SGCZ: variants seen among roughly 807,000 people sequenced by gnomAD.
SGCZ encodes sarcoglycan zeta, also known as zeta-sarcoglycan.
A neutral mutation model predicts 41.3 loss-of-function variants in SGCZ; 40 were observed. That is an observed-to-expected ratio of 0.97 (90% CI 0.75 to 1.26). The LOEUF is 1.26. Ranked by LOEUF, SGCZ falls within the 50% of genes most tolerant of loss-of-function variation. SGCZ has a pLI of 0.00. For missense variants in SGCZ, 552 were observed against 369.8 expected, an observed-to-expected ratio of 1.49 and a Z score of -4.04; for synonymous variants, 206 against 137.5, an observed-to-expected ratio of 1.50 and a Z score of -3.49.
chr8:14,532,034 G>C (rs937674520), intron 2 of SGCZ, among the ~76,000 whole-genome samples: 37 of 151,994 alleles, frequency 2.4e-4, no homozygotes, highest in Admixed American at 3.3e-4. Flanking sequence ...TTTCAAAATA[G>C]AAAATCATTT....
chr8:15,125,008 C>T (rs1208986070), intron 1 of SGCZ, among the ~76,000 whole-genome samples: 1 of 151,792 alleles, frequency 6.6e-6, no homozygotes, highest in African/African-American at 2.4e-5. Context: ...TATATAGTAA[C>T]CTTTTATGCA....
chr8:14,823,638 C>A (rs1239174654), intron 1 of SGCZ, among the ~76,000 whole-genome samples: 2 of 152,126 alleles, frequency 1.3e-5, no homozygotes, highest in Non-Finnish European at 2.9e-5. Flanking sequence ...GGACTGTAAA[C>A]TAGTACATGC....
intron 1 of SGCZ, among the ~76,000 whole-genome samples, chr8:14,884,673 T>A (rs1804724620): frequency 1.3e-5 from 2 of 152,140 alleles, no homozygotes; most frequent in African/African-American, 4.8e-5. Context: ...CAAGAGGGCA[T>A]TCACTTATTT....
chr8:14,778,911 G>T lies in SGCZ; in HGVS notation c.40-223985C>A, dbSNP rs530584631. On this transcript the variant is annotated intron_variant, in intron 1 of 7. Transcript: ENST00000382080. ...ATCGCCATTCGTGAAAACACATTAG[G>T]AATATCTTATAACATTAAATAGTCT... Among the ~76,000 whole-genome samples, 3 of 152,224 alleles carry T rather than the reference G, an allele frequency of 2.0e-5. No homozygotes were observed. The East Asian group carries it at 5.8e-4, about 29-fold the overall frequency.
intron 1 of SGCZ, among the ~76,000 whole-genome samples, chr8:15,055,257 T>C (rs1323747063): frequency 6.6e-6 from 1 of 152,202 alleles, no homozygotes; most frequent in Non-Finnish European, 1.5e-5. Flanking sequence ...TAATACTGTA[T>C]ACCTACCATA....
intron 4 of SGCZ, among the ~76,000 whole-genome samples, chr8:14,182,255 T>G (rs139160782): frequency 6.6e-6 from 1 of 152,284 alleles, no homozygotes; most frequent in African/African-American, 2.4e-5. Flanking sequence ...GTCCACTGAT[T>G]GAACCCTGAA....
At chr8:14,225,663 G>A (rs892590222) in intron 4 of SGCZ, among the ~76,000 whole-genome samples, 3 of 152,054 alleles carry the variant, frequency 2.0e-5, no homozygotes, top group Non-Finnish European at 2.9e-5. Flanking sequence ...TATAATAAAA[G>A]CTCATTGTAT....
At chr8:14,581,924 G>C (rs1401114648) in intron 1 of SGCZ, among the ~76,000 whole-genome samples, 1 of 152,082 alleles carries the variant, frequency 6.6e-6, no homozygotes, top group Non-Finnish European at 1.5e-5. Flanking sequence ...TTCACTAAAA[G>C]TTAGAGTGAG....
chr8:14,586,278 A>G (rs1805054357), intron 1 of SGCZ, among the ~76,000 whole-genome samples: 1 of 151,950 alleles, frequency 6.6e-6, no homozygotes, highest in South Asian at 2.1e-4. Flanking sequence ...TAGTGGCCCG[A>G]TCTCTGTTGA....
chr8:14,430,942 C>A (rs549299442), intron 2 of SGCZ, among the ~76,000 whole-genome samples: 17 of 152,148 alleles, frequency 1.1e-4, no homozygotes, highest in Admixed American at 1.1e-3. Flanking sequence ...AACCCCTTTA[C>A]AACAGCTGCA....
At chr8:14,429,402 C>T (rs1044836181) in intron 2 of SGCZ, among the ~76,000 whole-genome samples, 20 of 152,142 alleles carry the variant, frequency 1.3e-4, no homozygotes, top group South Asian at 1.0e-3. Flanking sequence ...TCACAAACGT[C>T]AACACTTACA....
chr8:15,096,678 T>TTTTTA (rs953950162), intron 1 of SGCZ, among the ~76,000 whole-genome samples: 11 of 152,214 alleles, frequency 7.2e-5, no homozygotes, highest in South Asian at 2.1e-4. Context: ...TTATGTTACC[T>TTTTTA]TTTTATTTTA....
intron 3 of SGCZ, among the ~76,000 whole-genome samples, chr8:14,290,783 G>A (rs1008530601): frequency 3.9e-5 from 6 of 152,016 alleles, no homozygotes; most frequent in African/African-American, 9.7e-5. Flanking sequence ...CAGTATGGAG[G>A]TTCCCTCATA....
chr8:14,116,341 T>C (rs956521569), intron 5 of SGCZ, among the ~76,000 whole-genome samples: 4 of 152,110 alleles, frequency 2.6e-5, no homozygotes, highest in Non-Finnish European at 4.4e-5. Context: ...TTATTTAGAA[T>C]TTCCTTCTTA....
intron 1 of SGCZ, among the ~76,000 whole-genome samples, chr8:14,792,873 G>T (rs1164163818): frequency 1.3e-5 from 2 of 152,032 alleles, no homozygotes; most frequent in East Asian, 3.9e-4. Flanking sequence ...CTCTTCGATA[G>T]ACTCTCCTCC....
At chr8:14,654,616 G>C (rs1206672648) in intron 1 of SGCZ, among the ~76,000 whole-genome samples, 1 of 152,008 alleles carries the variant, frequency 6.6e-6, no homozygotes, top group Non-Finnish European at 1.5e-5. Context: ...CTGTCGCCCA[G>C]GCTGGAATGC....
intron 1 of SGCZ, among the ~76,000 whole-genome samples, chr8:14,758,872 G>C (rs1309039823): frequency 1.3e-5 from 2 of 152,096 alleles, no homozygotes; most frequent in East Asian, 3.9e-4. Flanking sequence ...ACTGGGTGTA[G>C]CATTATGTGC....
intron 1 of SGCZ, among the ~76,000 whole-genome samples, chr8:15,085,949 T>C (rs912354954): frequency 6.6e-6 from 1 of 152,192 alleles, no homozygotes; most frequent in African/African-American, 2.4e-5. Context: ...GTTCCCTTTA[T>C]CTGCTGTTCC....
In SGCZ at chr8:14,354,093, C is replaced by T. The variant is rs17119166; in HGVS notation, c.235-29889G>A. Among the ~76,000 whole-genome samples the T allele has an allele frequency of 5.8e-4, 88 of 152,004 alleles. 1 individual carries two copies. In the East Asian group the frequency reaches 9.3e-3, roughly 16 times the overall value. On this transcript the variant is annotated intron_variant, in intron 2 of 7. Coordinates refer to ENST00000382080, the MANE Select transcript of SGCZ (RefSeq NM_139167.4). The stretch of plus-strand genomic sequence containing the variant: ...TATTCCACTAAGTATCTTTGTTTTT[C>T]GGGAAAGGAGTGTTCTACATCTGCT...
Sources: allele counts gnomAD v4.1 joint callset (sites outside exome capture counted in the v4.1 genomes callset), GRCh38; gene constraint gnomAD v4.1.1; transcripts MANE v1.5; gene names NCBI Gene and HGNC (gene_info 2026-07-23, HGNC 2026-07-21).